Variants in GPCPD1 observed in about 807,000 individuals in gnomAD.
GPCPD1 encodes glycerophosphocholine phosphodiesterase 1.
A neutral mutation model predicts 89.2 loss-of-function variants in GPCPD1; 29 were observed. The ratio of observed to expected loss-of-function variants is 0.33; its 90% CI spans 0.24 to 0.44. The LOEUF (loss-of-function observed/expected upper bound fraction) is 0.44. Ranked by LOEUF, GPCPD1 falls within the 20% of genes least tolerant of loss-of-function variation. The probability of loss-of-function intolerance (pLI) is 1.00; values close to 1 mark genes in which losing one functional copy is unlikely to be tolerated. For missense variants in GPCPD1, 594 were observed against 808.9 expected, an observed-to-expected ratio of 0.73 and a Z score of 3.22; for synonymous variants, 258 against 266.3, an observed-to-expected ratio of 0.97 and a Z score of 0.30.
intron 2 of GPCPD1, among the ~76,000 whole-genome samples, chr20:5,599,318 G>T (rs1293008382): frequency 6.6e-6 from 1 of 151,992 alleles, no homozygotes; most frequent in African/African-American, 2.4e-5. Flanking sequence ...GGGAAGCTGA[G>T]GTGGGCGTGT....
intron 6 of GPCPD1, among the ~76,000 whole-genome samples, chr20:5,583,823 G>T (rs1978726948): frequency 6.6e-6 from 1 of 151,944 alleles, no homozygotes; most frequent in South Asian, 2.1e-4. Flanking sequence ...ACATAAAAGA[G>T]GTAAAAGGCT....
chr20:5,552,548 T>C (rs187237181), intron 19 of GPCPD1, among the ~76,000 whole-genome samples: 2 of 151,752 alleles, frequency 1.3e-5, no homozygotes, highest in East Asian at 1.9e-4. Flanking sequence ...ATAATATACT[T>C]CCTTGTCAGA....
chr20:5,588,716 T>C (rs1389806713), intron 4 of GPCPD1, among the ~76,000 whole-genome samples: 2 of 151,660 alleles, frequency 1.3e-5, no homozygotes, highest in African/African-American at 4.8e-5. Context: ...TCCTAGGTAC[T>C]TGGGAGGCCA....
rs1478837607 is a variant in GPCPD1, at chr20:5,584,076, T to C, written c.349+205A>G. 2.0e-5 allele frequency among the ~76,000 whole-genome samples: 3 copies of C among 152,206 alleles called. No individual in the cohort carries two copies. In the East Asian group the frequency reaches 5.8e-4, roughly 29 times the overall value. On this transcript the variant is annotated intron_variant, in intron 6 of 19. Coordinates refer to ENST00000379019, the MANE Select transcript of GPCPD1 (RefSeq NM_019593.5). ...AAATGCACATTAGACGATTTCATTGTTGTTTGTGTAAGTACAGGGAATTTT... is the reference window on the plus strand; with the variant it reads ...AAATGCACATTAGACGATTTCATTGCTGTTTGTGTAAGTACAGGGAATTTT...
At chr20:5,577,076 T>TG (rs906355411) in intron 8 of GPCPD1, among the ~76,000 whole-genome samples, 2 of 148,702 alleles carry the variant, frequency 1.3e-5, no homozygotes, top group African/African-American at 5.0e-5. Context: ...TTTTTTTTTT[T>TG]TTTTCTGAGA....
chr20:5,578,978 A>G (rs748532583), intron 7 of GPCPD1, among the ~76,000 whole-genome samples: 1 of 152,206 alleles, frequency 6.6e-6, no homozygotes, highest in Non-Finnish European at 1.5e-5. Flanking sequence ...GCTTGAGCTC[A>G]GAAGTCTGAG....
intron 10 of GPCPD1, 114 bp downstream of exon 10, chr20:5,575,299 A>T (rs1978286453): frequency 1.3e-6 from 1 of 786,728 alleles, no homozygotes; most frequent in Non-Finnish European, 2.0e-6. Flanking sequence ...AAATTACACT[A>T]AATTCCCTTG....
At chr20:5,606,588 G>C (rs1038661879) in intron 1 of GPCPD1, among the ~76,000 whole-genome samples, 1 of 152,118 alleles carries the variant, frequency 6.6e-6, no homozygotes, top group African/African-American at 2.4e-5. Flanking sequence ...TTCCCTCCAG[G>C]GGATTATTTG....
chr20:5,554,047 C>G (rs1218176911), intron 19 of GPCPD1, among the ~76,000 whole-genome samples: 2 of 136,480 alleles, frequency 1.5e-5, no homozygotes, highest in South Asian at 4.7e-4. Flanking sequence ...CTGCTCACTG[C>G]AAGCTCCGAC....
At chr20:5,580,435 A>C (rs1319878769) in intron 6 of GPCPD1, among the ~76,000 whole-genome samples, 2 of 152,150 alleles carry the variant, frequency 1.3e-5, no homozygotes, top group Non-Finnish European at 2.9e-5. Flanking sequence ...CTAAATATGA[A>C]AATAGGCCGG....
At chr20:5,588,646 G>A (rs1334524061) in intron 4 of GPCPD1, among the ~76,000 whole-genome samples, 5 of 137,754 alleles carry the variant, frequency 3.6e-5, no homozygotes, top group Non-Finnish European at 7.7e-5. Flanking sequence ...CCAACATGGT[G>A]AAACCCCATC....
intron 16 of GPCPD1, 60 bp from the exon 17 acceptor site, chr20:5,560,136 T>G: frequency 8.2e-7 from 1 of 1,218,664 alleles, no homozygotes; most frequent in Admixed American, 2.8e-5. Flanking sequence ...TGCTAGCAAC[T>G]CTGTTTTTAT....
chr20:5,603,295 A>T (rs1346333611), intron 2 of GPCPD1, among the ~76,000 whole-genome samples: 1 of 152,162 alleles, frequency 6.6e-6, no homozygotes, highest in Non-Finnish European at 1.5e-5. Flanking sequence ...TCCATCTCAA[A>T]AAAAAAGTAA....
In GPCPD1 at chr20:5,547,404, T is replaced by C. The variant is rs1395475682; in HGVS notation, c.*257A>G. 9.7e-6 allele frequency: 2 copies of C among 206,600 alleles called. No homozygotes were observed. Among genetic ancestry groups the C allele is most frequent in the African/African-American group, 4.6e-5 (2 of 43,450 alleles). The allele number at this position is 206,600 out of a possible 1,614,324, so 12.8% of individuals were successfully genotyped here. On this transcript the variant is annotated 3_prime_UTR_variant, in exon 20 of 20. Coordinates refer to ENST00000379019, the MANE Select transcript of GPCPD1 (RefSeq NM_019593.5). ...ATGAACATATGTTTAACATTATAGA[T>C]TTATATATTTAGTTTAAAATATTTA...
At chr20:5,582,209 A>AAAC (rs1978579440) in intron 6 of GPCPD1, among the ~76,000 whole-genome samples, 1 of 145,066 alleles carries the variant, frequency 6.9e-6, no homozygotes, top group African/African-American at 2.6e-5. Context: ...AAAAAAAAAA[A>AAAC]AAAAAAAAAA....
intron 3 of GPCPD1, among the ~76,000 whole-genome samples, chr20:5,597,689 G>A (rs1979828185): frequency 6.6e-6 from 1 of 152,174 alleles, no homozygotes; most frequent in South Asian, 2.1e-4. Context: ...TGCCACCTCT[G>A]CTGACATCCA....
intron 18 of GPCPD1, among the ~76,000 whole-genome samples, 188 bp from the exon 19 acceptor site, chr20:5,558,293 T>G (rs1482755936): frequency 6.6e-6 from 1 of 152,122 alleles, no homozygotes; most frequent in Non-Finnish European, 1.5e-5. Flanking sequence ...TCACAATATA[T>G]TAATATATAC....
At chr20:5,549,263 A>G in intron 19 of GPCPD1, 2 of 830,248 alleles carry the variant, frequency 2.4e-6, no homozygotes, top group Non-Finnish European at 2.0e-6. Flanking sequence ...TTGATGACTC[A>G]GTGATGATAT....
chr20:5,601,194 A>T (rs6116864), intron 2 of GPCPD1, among the ~76,000 whole-genome samples: 4,807 of 151,566 alleles, frequency 0.032, 266 homozygotes, highest in African/African-American at 0.11. Context: ...ACAAAAAAAA[A>T]TTTTAAGTAA....
Sources: gnomAD v4.1 joint callset for allele counts (sites outside exome capture counted in the v4.1 genomes callset) on GRCh38, gnomAD v4.1.1 for gene constraint, MANE v1.5 for transcripts, NCBI Gene and HGNC (gene_info 2026-07-23, HGNC 2026-07-21) for gene names.